NKTR: variants seen among roughly 807,000 people sequenced by gnomAD.
NKTR encodes natural killer cell triggering receptor.
A neutral mutation model predicts 156.3 loss-of-function variants in NKTR; 67 were observed. That is an observed-to-expected ratio of 0.43 (90% CI 0.35 to 0.53). The LOEUF (loss-of-function observed/expected upper bound fraction) is 0.53. Ranked by LOEUF, NKTR falls within the 20% of genes least tolerant of loss-of-function variation. The pLI is 0.01. For missense variants in NKTR, 1,604 were observed against 1,730.9 expected (o/e 0.93, Z 1.30); for synonymous variants, 640 against 596.6 (o/e 1.07, Z -1.06).
intron 6 of NKTR, among the ~76,000 whole-genome samples, chr3:42,622,361 G>C (rs991215935): frequency 2.0e-5 from 3 of 152,020 alleles, no homozygotes; most frequent in Admixed American, 6.6e-5. Context: ...CTTTTGATTG[G>C]AAGTGAATCT....
chr3:42,630,964 G>T, intron 7 of NKTR: 1 of 1,407,280 alleles, frequency 7.1e-7, no homozygotes, highest in Non-Finnish European at 9.2e-7. Context: ...TGTTTTAAAG[G>T]CAGAAAACTG....
At chr3:42,635,461 G>T in intron 12 of NKTR, 95 bp downstream of exon 12, 1 of 986,858 alleles carries the variant, frequency 1.0e-6, no homozygotes, top group Non-Finnish European at 1.5e-6. Flanking sequence ...TAAAGATTCA[G>T]TGAAAGATTC....
At chr3:42,603,038 A>AG (rs1384140715) in intron 2 of NKTR, 1 of 151,190 alleles carries the variant, frequency 6.6e-6, no homozygotes, top group Non-Finnish European at 1.5e-5. Context: ...AAAAAAAAAA[A>AG]AAGAAAAGAA....
intron 2 of NKTR, among the ~76,000 whole-genome samples, chr3:42,614,432 C>CTT (rs796700799): frequency 2.5e-4 from 35 of 140,584 alleles, no homozygotes; most frequent in Admixed American, 8.6e-4. Flanking sequence ...ACCACATTGA[C>CTT]TTTTTTTTTT....
intron 6 of NKTR, chr3:42,629,193 C>G: frequency 1.0e-6 from 1 of 984,908 alleles, no homozygotes; most frequent in Non-Finnish European, 1.2e-6. Context: ...ACTAGTGGCT[C>G]ACTAATTCAC....
chr3:42,620,217 T>C (rs899900241), intron 5 of NKTR: 1 of 1,274,552 alleles, frequency 7.8e-7, no homozygotes, highest in Non-Finnish European at 9.9e-7. Context: ...CATTTCCCAA[T>C]GGGTTATTAA....
Position 42,621,508 on chromosome 3 carries a change from G to A in NKTR, c.366G>A (p.Gln122=). The A allele has an allele frequency of 1.9e-6, 3 of 1,608,976 alleles. No individual in the cohort carries two copies. The highest frequency in any genetic ancestry group is 2.5e-6 in the Non-Finnish European group (3 of 1,177,482). The change falls in exon 6 of 17, where the codon CAG becomes CAA. Residue 122 remains glutamine, a synonymous_variant. Transcript: ENST00000232978. ...ANRGKHTNGS[Q]FFITTKPAPH... is the part of the protein sequence containing the mutation. ...GAGGGAAACATACCAATGGTTCCCAGTTTTTCATGTGAGTAGGCATAATTC... is the reference window on the plus strand; with the variant it reads ...GAGGGAAACATACCAATGGTTCCCAATTTTTCATGTGAGTAGGCATAATTC...
chr3:42,625,189 G>A (rs1708260816), intron 6 of NKTR, among the ~76,000 whole-genome samples: 2 of 152,084 alleles, frequency 1.3e-5, no homozygotes, highest in Non-Finnish European at 2.9e-5. Flanking sequence ...GAAGTATTGG[G>A]CTCATCTTAA....
intron 2 of NKTR, chr3:42,602,468 T>C (rs888112469): frequency 6.6e-6 from 1 of 152,272 alleles, no homozygotes; most frequent in East Asian, 1.9e-4. Flanking sequence ...GGGTGCCCAG[T>C]GTGGCTGGAG....
intron 2 of NKTR, among the ~76,000 whole-genome samples, chr3:42,605,678 G>T (rs147491617): frequency 6.6e-6 from 1 of 152,204 alleles, no homozygotes. Flanking sequence ...GATCTGGTTT[G>T]TTCTGAGGGA....
chr3:42,630,745 T>C (rs1310873938), intron 7 of NKTR, 170 bp downstream of exon 7: 1 of 1,416,544 alleles, frequency 7.1e-7, no homozygotes, highest in Non-Finnish European at 9.2e-7. Context: ...ACCCCATGGC[T>C]CTCATGTGAC....
intron 15 of NKTR, 92 bp downstream of exon 15, chr3:42,643,487 A>G: frequency 9.8e-7 from 1 of 1,017,196 alleles, no homozygotes. Flanking sequence ...TTATTGAGTA[A>G]CTAAATGCAT....
intron 5 of NKTR, chr3:42,620,255 G>A: frequency 8.0e-7 from 1 of 1,255,276 alleles, no homozygotes; most frequent in Non-Finnish European, 1.0e-6. Flanking sequence ...GAGTCTAGTT[G>A]TGGGGTTTTT....
chr3:42,618,194 T>TA (rs1458418164), intron 3 of NKTR, among the ~76,000 whole-genome samples: 54 of 151,476 alleles, frequency 3.6e-4, no homozygotes, highest in Admixed American at 9.2e-4. Context: ...CTACTAAAAA[T>TA]ACAAAAATTA....
intron 4 of NKTR, 33 bp from the exon 5 acceptor site, chr3:42,619,631 T>G (rs1210184452): frequency 6.2e-7 from 1 of 1,604,190 alleles, no homozygotes; most frequent in Non-Finnish European, 8.5e-7. Context: ...TTTTTAATGT[T>G]CATTATGGCT....
At chr3:42,613,364 G>T (rs945204268) in intron 2 of NKTR, among the ~76,000 whole-genome samples, 1 of 152,118 alleles carries the variant, frequency 6.6e-6, no homozygotes, top group Non-Finnish European at 1.5e-5. Context: ...ATGTTATGCT[G>T]CTCCTGTTTC....
At chr3:42,603,369 A>G (rs1203538174) in intron 2 of NKTR, among the ~76,000 whole-genome samples, 1 of 104,582 alleles carries the variant, frequency 9.6e-6, no homozygotes, top group African/African-American at 4.9e-5. Context: ...CTAAAAAAAA[A>G]AAAAAAAAAA....
chr3:42,615,378 C>T (rs1045027662), intron 2 of NKTR, among the ~76,000 whole-genome samples: 3 of 151,156 alleles, frequency 2.0e-5, no homozygotes, highest in African/African-American at 7.3e-5. Flanking sequence ...CATGCCTGGC[C>T]GAGATTTTTT....
chr3:42,602,004 A>G (rs2125751508), intron 2 of NKTR: 1 of 152,352 alleles, frequency 6.6e-6, no homozygotes, highest in African/African-American at 2.4e-5. Context: ...AGACAAGGCC[A>G]TTTTGAGAAG....
Sources: allele counts gnomAD v4.1 joint callset (sites outside exome capture counted in the v4.1 genomes callset), GRCh38; gene constraint gnomAD v4.1.1; transcripts MANE v1.5; gene names NCBI Gene and HGNC (gene_info 2026-07-23, HGNC 2026-07-21).